The following MRC1 variants were observed in gnomAD, a reference collection of about 807,000 sequenced individuals.
MRC1 encodes macrophage mannose receptor 1.
MRC1 carries 62 observed loss-of-function variants against 102.9 expected under a neutral mutation model. That is an observed-to-expected ratio of 0.60 (90% CI 0.49 to 0.74). The LOEUF (loss-of-function observed/expected upper bound fraction) is 0.74. MRC1 is among the 30% of genes least tolerant of loss of function. The pLI is 0.00. For missense variants in MRC1, 1,237 were observed against 862.8 expected, an observed-to-expected ratio of 1.43 and a Z score of -5.43; for synonymous variants, 457 against 298.4, an observed-to-expected ratio of 1.53 and a Z score of -5.48.
intron 14 of MRC1, 118 bp downstream of exon 14, chr10:17,871,053 G>T: frequency 1.4e-6 from 1 of 739,530 alleles, no homozygotes; most frequent in Non-Finnish European, 2.4e-6. Context: ...CCACTATCCT[G>T]CCATGCAAAA....
chr10:17,835,355 A>G (rs1176407309), intron 4 of MRC1, among the ~76,000 whole-genome samples: 1 of 152,240 alleles, frequency 6.6e-6, no homozygotes, highest in Non-Finnish European at 1.5e-5. Context: ...TTCCCAAGAT[A>G]TCTTGTACCC....
chr10:17,845,403 A>C lies in MRC1; in HGVS notation c.1031A>C (p.Asn344Thr), dbSNP rs926218987. ...CTGGGCTATATTTGCAAAAAGGGCA[A>C]CACCACTTTAAATTCTTTTGTTATT... ...QKLGYICKKGNTTLNSFVIPS... is the reference protein window; with the variant it reads ...QKLGYICKKGTTTLNSFVIPS... The change falls in exon 6 of 30, where the codon AAC (asparagine) becomes ACC (threonine). Residue 344 changes from asparagine (N) to threonine (T), a missense_variant. Coordinates refer to ENST00000569591, the MANE Select transcript of MRC1 (RefSeq NM_002438.4). 1.3e-6 allele frequency: 1 copy of C among 780,774 alleles called. No homozygotes were observed. Among genetic ancestry groups the C allele is most frequent in the African/African-American group, 1.7e-5 (1 of 59,136 alleles). The allele number at this position is 780,774 out of a possible 1,614,324, so 48.4% of individuals were successfully genotyped here.
intron 6 of MRC1, among the ~76,000 whole-genome samples, chr10:17,846,073 A>C (rs1310790750): frequency 6.6e-6 from 1 of 151,822 alleles, no homozygotes; most frequent in Non-Finnish European, 1.5e-5. Flanking sequence ...ACGCCCAGCT[A>C]ATTTTTGTAT....
chr10:17,889,203 C>T (rs1258052336), intron 22 of MRC1, among the ~76,000 whole-genome samples: 1 of 152,056 alleles, frequency 6.6e-6, no homozygotes, highest in Non-Finnish European at 1.5e-5. Flanking sequence ...GAGTCTTTGT[C>T]TATTAATTTG....
At chr10:17,894,066 G>A in intron 22 of MRC1, 144 bp from the exon 23 acceptor site, 4 of 679,770 alleles carry the variant, frequency 5.9e-6, no homozygotes, top group Non-Finnish European at 1.1e-5. Context: ...AGAAAGTAAT[G>A]ATGGATTGAG....
intron 17 of MRC1, among the ~76,000 whole-genome samples, chr10:17,877,300 G>A (rs1833449959): frequency 6.8e-6 from 1 of 147,242 alleles, no homozygotes; most frequent in African/African-American, 2.5e-5. Context: ...TAAATAACAT[G>A]AAATAAATAT....
chr10:17,881,078 C>A lies in MRC1; in HGVS notation c.2877C>A (p.Ile959=), dbSNP rs1258016967. 6 of 780,406 alleles carry A rather than the reference C, an allele frequency of 7.7e-6. No homozygotes were observed. The highest frequency in any genetic ancestry group is 3.4e-5 in the African/African-American group (2 of 59,064). 48.3% of individuals were successfully genotyped at this position (780,406 alleles called of 1,614,324 possible). ...CTCTTCCATCCCAGTGTTTCAAAAT[C>A]TTTGGATTTATGGAAGAAGAAAGAA... ...WNFYSNKCFK[I]FGFMEEERKN... The change falls in exon 21 of 30, where the codon ATC becomes ATA. Residue 959 remains isoleucine, a synonymous_variant. Coordinates refer to ENST00000569591, the MANE Select transcript of MRC1 (RefSeq NM_002438.4).
intron 15 of MRC1, 65 bp from the exon 16 acceptor site, chr10:17,873,719 T>C: frequency 2.4e-6 from 2 of 848,378 alleles, no homozygotes; most frequent in South Asian, 1.3e-5. Flanking sequence ...ATAGTGACAA[T>C]AGAAGGAAAT....
chr10:17,818,702 G>A (rs950977703), intron 1 of MRC1, among the ~76,000 whole-genome samples: 1 of 152,282 alleles, frequency 6.6e-6, no homozygotes, highest in Non-Finnish European at 1.5e-5. Flanking sequence ...CCAGAGCTGA[G>A]GCAGGAGAAT....
At chr10:17,816,636 C>A (rs1014861258) in intron 1 of MRC1, among the ~76,000 whole-genome samples, 3 of 152,166 alleles carry the variant, frequency 2.0e-5, no homozygotes, top group Non-Finnish European at 4.4e-5. Flanking sequence ...GTGGTGCTGG[C>A]GTTTGGGAGT....
chr10:17,894,984 T>C (rs1461469592), intron 23 of MRC1, among the ~76,000 whole-genome samples: 1 of 152,140 alleles, frequency 6.6e-6, no homozygotes, highest in Admixed American at 6.5e-5. Flanking sequence ...ACCAGCCTGG[T>C]TAACACAGTG....
At chr10:17,905,978 A>T (rs1833889689) in intron 26 of MRC1, among the ~76,000 whole-genome samples, 1 of 152,256 alleles carries the variant, frequency 6.6e-6, no homozygotes. Context: ...ATTAGTTATT[A>T]TTAAAAAGCT....
intron 1 of MRC1, among the ~76,000 whole-genome samples, chr10:17,816,574 G>T (rs1838316407): frequency 6.6e-6 from 1 of 152,316 alleles, no homozygotes; most frequent in South Asian, 2.1e-4. Flanking sequence ...TTTGTGCCAT[G>T]TTTGAGCCTA....
chr10:17,838,942 A>G (rs34998047), intron 4 of MRC1, among the ~76,000 whole-genome samples: 15,318 of 152,264 alleles, frequency 0.1, 1,709 homozygotes, highest in African/African-American at 0.27. Flanking sequence ...ACAAAAGCAT[A>G]TTAGAGAAAA....
intron 26 of MRC1, among the ~76,000 whole-genome samples, chr10:17,904,351 C>A (rs1265179488): frequency 2.0e-5 from 3 of 152,068 alleles, no homozygotes; most frequent in Non-Finnish European, 4.4e-5. Flanking sequence ...GAATGTCTGA[C>A]TTTTTCCTTC....
intron 26 of MRC1, among the ~76,000 whole-genome samples, chr10:17,904,159 A>G (rs1341993824): frequency 1.3e-5 from 2 of 152,198 alleles, no homozygotes; most frequent in Non-Finnish European, 2.9e-5. Flanking sequence ...ATTAGAAAAG[A>G]TAGAGTTATA....
chr10:17,877,978 C>T lies in MRC1; in HGVS notation c.2618+11C>T. On this transcript the variant is annotated intron_variant, in intron 18 of 29. Coordinates refer to ENST00000569591, the MANE Select transcript of MRC1 (RefSeq NM_002438.4). ...GGATAAAAAGTTTGCGTAAGTAAAT[C>T]AAGCTAAAAACAACTTTGCTTGGGT... 1.1e-6 allele frequency: 1 copy of T among 872,062 alleles called. No homozygotes were observed. Among genetic ancestry groups the T allele is most frequent in the South Asian group, 1.3e-5 (1 of 76,508 alleles). 54.0% of individuals were successfully genotyped at this position (872,062 alleles called of 1,614,324 possible).
chr10:17,813,415 T>C (rs1194266054), intron 1 of MRC1, among the ~76,000 whole-genome samples: 1 of 152,172 alleles, frequency 6.6e-6, no homozygotes, highest in Non-Finnish European at 1.5e-5. Context: ...ATCACAGTAG[T>C]GGTTTTTCAC....
chr10:17,834,442 C>G (rs1335249041), intron 4 of MRC1, among the ~76,000 whole-genome samples: 1 of 152,068 alleles, frequency 6.6e-6, no homozygotes, highest in Admixed American at 6.6e-5. Flanking sequence ...GACGGAGTTT[C>G]CCTCTTGTAG....
Sources: allele counts gnomAD v4.1 joint callset (sites outside exome capture counted in the v4.1 genomes callset), GRCh38; gene constraint gnomAD v4.1.1; transcripts MANE v1.5; gene names NCBI Gene and HGNC (gene_info 2026-07-23, HGNC 2026-07-21).